The following CBLB variants were observed in gnomAD, a reference collection of about 807,000 sequenced individuals.
The protein encoded by CBLB is E3 ubiquitin-protein ligase CBL-B.
CBLB carries 31 observed loss-of-function variants against 104.9 expected under a neutral mutation model. The observed-to-expected ratio is 0.30, with a 90% confidence interval of 0.22 to 0.40. CBLB has a LOEUF of 0.40. Ranked by LOEUF, CBLB falls within the 10% of genes least tolerant of loss-of-function variation. The pLI, the probability that CBLB is intolerant of heterozygous loss-of-function variation, is 1.00. For missense variants in CBLB, 1,062 were observed against 1,214.6 expected (o/e 0.87, Z 1.87); for synonymous variants, 440 against 422.6 (o/e 1.04, Z -0.51).
intron 18 of CBLB, among the ~76,000 whole-genome samples, chr3:105,665,795 C>A (rs1348481025): frequency 2.0e-5 from 3 of 151,104 alleles, no homozygotes; most frequent in Non-Finnish European, 4.4e-5. Flanking sequence ...CTTTGGGAGG[C>A]CGAGGTGGGC....
At chr3:105,732,333 T>C (rs1046794850) in intron 9 of CBLB, among the ~76,000 whole-genome samples, 1 of 152,236 alleles carries the variant, frequency 6.6e-6, no homozygotes. Context: ...ACTATTACTG[T>C]TAATGTAATT....
chr3:105,853,676 GATAAAA>G lies in CBLB; in HGVS notation c.169-18_169-13del, dbSNP rs748954248. 3.2e-6 allele frequency: 5 copies of G among 1,561,902 alleles called. No homozygotes were observed. The highest frequency in any genetic ancestry group is 4.4e-6 in the Non-Finnish European group (5 of 1,144,530). On this transcript the variant is annotated splice_polypyrimidine_tract_variant and intron_variant, in intron 2 of 18. Transcript: ENST00000394030. ...TGGCACAGTCTTACCTAAAAACAAA[GATAAAA>G]ATAAAATAAGTCATAATATTTTATT...
intron 18 of CBLB, among the ~76,000 whole-genome samples, chr3:105,661,214 T>A (rs533198941): frequency 6.6e-6 from 1 of 152,182 alleles, no homozygotes; most frequent in Non-Finnish European, 1.5e-5. Context: ...TATAAGAACA[T>A]ATAATTTCTG....
intron 12 of CBLB, among the ~76,000 whole-genome samples, 197 bp downstream of exon 12, chr3:105,701,894 AATC>A (rs2069178426): frequency 6.6e-6 from 1 of 152,216 alleles, no homozygotes; most frequent in African/African-American, 2.4e-5. Flanking sequence ...ATTAAAATTA[AATC>A]ATTACTTAGA....
chr3:105,750,286 C>T (rs2301029), intron 5 of CBLB, among the ~76,000 whole-genome samples: 31,765 of 151,924 alleles, frequency 0.21, 3,428 homozygotes, highest in Admixed American at 0.26. Flanking sequence ...AAATTAAAAG[C>T]TAATCCTGTG....
intron 2 of CBLB, among the ~76,000 whole-genome samples, chr3:105,861,684 T>A (rs190297349): frequency 6.9e-6 from 1 of 145,018 alleles, no homozygotes; most frequent in Non-Finnish European, 1.5e-5. Context: ...TGTGCACACA[T>A]ACACACACAC....
At chr3:105,854,123 G>C (rs1366923071) in intron 2 of CBLB, among the ~76,000 whole-genome samples, 1 of 152,078 alleles carries the variant, frequency 6.6e-6, no homozygotes, top group Non-Finnish European at 1.5e-5. Flanking sequence ...TCTGAACCCC[G>C]AGGACAATAA....
Position 105,678,555 on chromosome 3 carries a change from A to G in CBLB, c.2445T>C (p.Asp815=). 6.2e-7 allele frequency: 1 copy of G among 1,613,342 alleles called. No homozygotes were observed. The highest frequency in any genetic ancestry group is 8.5e-7 in the Non-Finnish European group (1 of 1,179,560). The change falls in exon 17 of 19, where the codon GAT becomes GAC. Residue 815 remains aspartate (D), a synonymous_variant. Coordinates refer to ENST00000394030, the MANE Select transcript of CBLB (RefSeq NM_170662.5). ...GAGGTGGGAGAGATGGAGGGAGGGC[A>G]TCAAAAGCATCTTCACCTGCATTTA... ...LIPPLGEDAF[D]ALPPSLPPPP... is the part of the protein sequence containing the mutation.
At chr3:105,757,274 T>G (rs2077167357) in intron 4 of CBLB, among the ~76,000 whole-genome samples, 1 of 152,060 alleles carries the variant, frequency 6.6e-6, no homozygotes, top group Non-Finnish European at 1.5e-5. Context: ...AGCTATACAA[T>G]GAAGGAAGGA....
At chr3:105,841,182 GCTA>G (rs534432121) in intron 3 of CBLB, among the ~76,000 whole-genome samples, 64 of 151,604 alleles carry the variant, frequency 4.2e-4, no homozygotes, top group Middle Eastern at 3.4e-3. Flanking sequence ...TGTAGTCCCA[GCTA>G]CTTGGGAAGC....
At chr3:105,801,005 T>TA (rs544585298) in intron 3 of CBLB, among the ~76,000 whole-genome samples, 3,148 of 148,446 alleles carry the variant, frequency 0.021, 167 homozygotes, top group Admixed American at 0.12. Flanking sequence ...CAGCATGCTT[T>TA]AAAAAAAAAA....
chr3:105,851,516 TGTAAACTCTAG>T (rs1299607944), intron 3 of CBLB, among the ~76,000 whole-genome samples: 2 of 152,326 alleles, frequency 1.3e-5, no homozygotes, highest in South Asian at 2.1e-4. Flanking sequence ...TGGACCCTAA[TGTAAACTCTAG>T]GCTTTAGTTA....
intron 10 of CBLB, among the ~76,000 whole-genome samples, chr3:105,711,395 TCA>T (rs1212510104): frequency 2.6e-5 from 4 of 152,066 alleles, no homozygotes; most frequent in African/African-American, 9.7e-5. Context: ...GCTACTATTC[TCA>T]GTTTTTTCAC....
At chr3:105,722,163 G>GC (rs1375719455) in intron 9 of CBLB, among the ~76,000 whole-genome samples, 5 of 129,488 alleles carry the variant, frequency 3.9e-5, no homozygotes, top group Non-Finnish European at 1.5e-5. Context: ...CAGCATGACT[G>GC]CCCTCAGCCT....
At chr3:105,853,341 G>A (rs576059463) in intron 3 of CBLB, 73 bp downstream of exon 3, 7 of 1,485,842 alleles carry the variant, frequency 4.7e-6, no homozygotes, top group African/African-American at 2.8e-5. Context: ...ACATGGTGAC[G>A]TTTAGGTTAA....
chr3:105,817,170 G>A (rs1045155983), intron 3 of CBLB, among the ~76,000 whole-genome samples: 1 of 152,184 alleles, frequency 6.6e-6, no homozygotes, highest in Non-Finnish European at 1.5e-5. Context: ...TTAATCTTTT[G>A]CAAGAAAAGC....
Position 105,868,555 on chromosome 3 carries a change from C to T in CBLB, c.-15+181G>A, listed in dbSNP as rs542632137. ...ACCGCCGTCTGCCTGGACGCCCTCT[C>T]CCTCCTCCCCGGCCTGCGGGTTCTG... On this transcript the variant is annotated intron_variant, in intron 1 of 18. Transcript: ENST00000394030. 156 of 349,594 alleles carry T rather than the reference C, an allele frequency of 4.5e-4. 1 individual carries two copies. The highest frequency in any genetic ancestry group is 5.9e-4 in the Non-Finnish European group (130 of 218,818). 21.7% of individuals were successfully genotyped at this position (349,594 alleles called of 1,614,324 possible).
At chr3:105,777,329 G>T (rs2079599052) in intron 3 of CBLB, among the ~76,000 whole-genome samples, 1 of 152,164 alleles carries the variant, frequency 6.6e-6, no homozygotes, top group Non-Finnish European at 1.5e-5. Context: ...TCATTAAGAG[G>T]TACTGCTATA....
intron 10 of CBLB, among the ~76,000 whole-genome samples, chr3:105,710,907 C>G (rs1160385148): frequency 6.6e-6 from 1 of 151,860 alleles, no homozygotes; most frequent in Non-Finnish European, 1.5e-5. Context: ...AAAATCCTGA[C>G]AGAAAAACCC....
Sources: allele counts gnomAD v4.1 joint callset (sites outside exome capture counted in the v4.1 genomes callset), GRCh38; gene constraint gnomAD v4.1.1; transcripts MANE v1.5; gene names NCBI Gene and HGNC (gene_info 2026-07-23, HGNC 2026-07-21).